Variants in DERA observed in about 807,000 individuals in gnomAD.
The protein encoded by DERA is 2-deoxy-D-ribose 5-phosphate aldolase.
Under a neutral mutation model 41.1 loss-of-function variants are expected in DERA, and 15 were observed. That is an observed-to-expected ratio of 0.37 (90% confidence interval 0.24 to 0.56). The LOEUF is 0.56. DERA is among the 20% of genes least tolerant of loss of function. The pLI is 0.81. For missense variants in DERA, 396 were observed against 403.4 expected (o/e 0.98, Z 0.16); for synonymous variants, 139 against 137.4 (o/e 1.01, Z -0.08).
Position 16,014,545 on chromosome 12 carries a change from G to A in DERA, c.638-17997G>A, listed in dbSNP as rs77436956. ...TTTGGAAACCACCACCTAGGTTTCAGAGGATGTATGGAATCGCCTGGATGT... is the reference window on the plus strand; with the variant it reads ...TTTGGAAACCACCACCTAGGTTTCAAAGGATGTATGGAATCGCCTGGATGT... On this transcript the variant is annotated intron_variant, in intron 6 of 8. Transcript: ENST00000428559. This position sits in a 1 kb window ranked among gnomAD's most constrained non-coding sequence, Gnocchi z 5.4. Among the ~76,000 whole-genome samples, 2,897 of 152,348 alleles carry A rather than the reference G, an allele frequency of 0.019. 86 individuals carry two copies. Among genetic ancestry groups the A allele is most frequent in the African/African-American group, 0.05 (2,095 of 41,572 alleles).
chr12:15,963,213 A>G (rs1027679181), intron 5 of DERA, among the ~76,000 whole-genome samples: 1 of 152,200 alleles, frequency 6.6e-6, no homozygotes, highest in African/African-American at 2.4e-5. Flanking sequence ...ATAACTTTTA[A>G]AACAATTTTA....
At position 15,983,012 on chromosome 12, in the gene DERA, A is replaced by C. The variant is rs1399234973; in HGVS notation, c.637+576A>C. 6.6e-6 allele frequency among the ~76,000 whole-genome samples: 1 copy of C among 152,138 alleles called. No homozygotes were observed. The highest frequency in any genetic ancestry group is 2.4e-5 in the African/African-American group (1 of 41,430). On this transcript the variant is annotated intron_variant, in intron 6 of 8. Coordinates refer to ENST00000428559, the MANE Select transcript of DERA (RefSeq NM_015954.4). This position sits in a 1 kb window ranked among gnomAD's most constrained non-coding sequence, Gnocchi z 6.2. ...TTCTTTTTCTCACCTCACATAAATC[A>C]GTGAAGAAGCCTTGAGAGTTCTCTC...
At position 16,017,690 on chromosome 12, in the gene DERA, T is replaced by G. The variant is rs114885693; in HGVS notation, c.638-14852T>G. On this transcript the variant is annotated intron_variant, in intron 6 of 8. Coordinates refer to ENST00000428559, the MANE Select transcript of DERA (RefSeq NM_015954.4). The surrounding 1 kb of genome is among the most constrained non-coding windows in gnomAD (Gnocchi z 5.5). ...ACTTTTAATTTGAGGGCTTATATCT[T>G]TGCATACCCTGCTTAATTTTTTTCC... Among the ~76,000 whole-genome samples the G allele has an allele frequency of 1.9e-3, 292 of 152,346 alleles. No homozygotes were observed. The highest frequency in any genetic ancestry group is 5.7e-3 in the African/African-American group (238 of 41,590).
chr12:16,036,618 T>G lies in DERA; in HGVS notation c.901-72T>G. 1 of 1,150,872 alleles carries G rather than the reference T, an allele frequency of 8.7e-7. No homozygotes were observed. The allele number at this position is 1,150,872 out of a possible 1,614,324, so 71.3% of individuals were successfully genotyped here. On this transcript the variant is annotated intron_variant, in intron 8 of 8. Transcript: ENST00000428559. This position sits in a 1 kb window ranked among gnomAD's most constrained non-coding sequence, Gnocchi z 4.9. ...TTCATTAAAACTATTTATTATTATT[T>G]GATAGTATAATTATTAACTGATGTG...
intron 6 of DERA, among the ~76,000 whole-genome samples, chr12:15,987,891 C>T (rs1008690638): frequency 4.6e-5 from 7 of 152,122 alleles, no homozygotes; most frequent in African/African-American, 9.7e-5. Context: ...GCAAGCCAGG[C>T]GCGGAGTGGC....
intron 5 of DERA, among the ~76,000 whole-genome samples, chr12:15,973,369 T>C (rs990218614): frequency 6.7e-6 from 1 of 150,296 alleles, no homozygotes; most frequent in Admixed American, 6.6e-5. Context: ...TTTTGCATTA[T>C]TCTGACTAAT....
At chr12:15,968,870 T>G (rs1272851107) in intron 5 of DERA, among the ~76,000 whole-genome samples, 1 of 152,178 alleles carries the variant, frequency 6.6e-6, no homozygotes, top group Admixed American at 6.5e-5. Flanking sequence ...ATGTGTTAAG[T>G]GAATAAAGTG....
In DERA at chr12:15,943,600, T is replaced by A. The variant is rs2136137545; in HGVS notation, c.32-13336T>A. 6.6e-6 allele frequency among the ~76,000 whole-genome samples: 1 copy of A among 152,318 alleles called. No individual in the cohort carries two copies. The highest frequency in any genetic ancestry group is 2.1e-4 in the South Asian group (1 of 4,832). ...TTGCCACACAGTACATGCCACACAGTACACACGGGTTTGAAACAGAACTTC... is the reference window on the plus strand; with the variant it reads ...TTGCCACACAGTACATGCCACACAGAACACACGGGTTTGAAACAGAACTTC... On this transcript the variant is annotated intron_variant, in intron 1 of 8. Coordinates refer to ENST00000428559, the MANE Select transcript of DERA (RefSeq NM_015954.4). This position sits in a 1 kb window ranked among gnomAD's most constrained non-coding sequence, Gnocchi z 4.5.
rs77638478 is a variant in DERA, at chr12:15,927,018, T to G, written c.31+15604T>G. ...CCTTTGTTGGAAAAGGCTGCTGGGG[T>G]CCTTCTGAATAGTCAAGTACATAAA... On this transcript the variant is annotated intron_variant, in intron 1 of 8. Transcript: ENST00000428559. Among the ~76,000 whole-genome samples, 1,459 of 152,314 alleles carry G rather than the reference T, an allele frequency of 9.6e-3. 30 individuals carry two copies. The highest frequency in any genetic ancestry group is 0.034 in the African/African-American group (1,404 of 41,566).
At chr12:15,916,221 G>C (rs898748475) in intron 1 of DERA, 1 of 152,142 alleles carries the variant, frequency 6.6e-6, no homozygotes, top group African/African-American at 2.4e-5. Context: ...TTCAAGGATG[G>C]CATGTCAAAA....
rs529003582 is a variant in DERA, at chr12:16,008,013, C to A, written c.638-24529C>A. Among the ~76,000 whole-genome samples the A allele has an allele frequency of 6.6e-6, 1 of 151,944 alleles. No individual in the cohort carries two copies. Reference sequence around the variant, plus strand: ...TTACAGGTGTGTGCCACTGTGTGCCCGGCTAATTTTTGTATTTTTAGTAGA... The same window carrying A: ...TTACAGGTGTGTGCCACTGTGTGCCAGGCTAATTTTTGTATTTTTAGTAGA... On this transcript the variant is annotated intron_variant, in intron 6 of 8. Transcript: ENST00000428559. The surrounding 1 kb of genome is among the most constrained non-coding windows in gnomAD (Gnocchi z 4.8).
At chr12:15,945,658 C>T (rs1207043636) in intron 1 of DERA, among the ~76,000 whole-genome samples, 3 of 152,306 alleles carry the variant, frequency 2.0e-5, no homozygotes, top group South Asian at 2.1e-4. Flanking sequence ...GATATACAAT[C>T]GTGTCATCTG....
At chr12:15,969,512 C>T (rs550654049) in intron 5 of DERA, among the ~76,000 whole-genome samples, 121 of 152,280 alleles carry the variant, frequency 7.9e-4, no homozygotes, top group African/African-American at 2.8e-3. Context: ...TTGGAAGTAC[C>T]ATTCGTCTCC....
At chr12:15,916,261 G>A (rs1047276249) in intron 1 of DERA, 1 of 152,142 alleles carries the variant, frequency 6.6e-6, no homozygotes, top group Admixed American at 6.6e-5. Flanking sequence ...GCTTCATGTG[G>A]ATATACTGAT....
chr12:15,916,543 C>T (rs767718718), intron 1 of DERA, among the ~76,000 whole-genome samples: 1 of 151,406 alleles, frequency 6.6e-6, no homozygotes, highest in Non-Finnish European at 1.5e-5. Context: ...CTCCGCCTCC[C>T]GGGTTCAAGT....
chr12:15,936,336 G>T lies in DERA; in HGVS notation c.32-20600G>T, dbSNP rs1431413047. On this transcript the variant is annotated intron_variant, in intron 1 of 8. Coordinates refer to ENST00000428559, the MANE Select transcript of DERA (RefSeq NM_015954.4). This position sits in a 1 kb window ranked among gnomAD's most constrained non-coding sequence, Gnocchi z 4.6. ...TCAAACATTCAGAAAAGTAGGACTA[G>T]TATAAAGAACACTCATATATCTGTC... 1.3e-5 allele frequency among the ~76,000 whole-genome samples: 2 copies of T among 152,182 alleles called. No homozygotes were observed. The highest frequency in any genetic ancestry group is 2.9e-5 in the Non-Finnish European group (2 of 68,036).
Position 15,984,165 on chromosome 12 carries a change from C to G in DERA, c.637+1729C>G, listed in dbSNP as rs1191256743. Among the ~76,000 whole-genome samples the G allele has an allele frequency of 6.6e-6, 1 of 152,194 alleles. No homozygotes were observed. The highest frequency in any genetic ancestry group is 2.4e-5 in the African/African-American group (1 of 41,448). On this transcript the variant is annotated intron_variant, in intron 6 of 8. Transcript: ENST00000428559. The surrounding 1 kb of genome is among the most constrained non-coding windows in gnomAD (Gnocchi z 4.5). ...GTGCACATGGAGCTGAGATACTCCT[C>G]AGGGTCACATCGGAGCCAATCTTGT...
Position 15,985,078 on chromosome 12 carries a change from C to T in DERA, c.637+2642C>T, listed in dbSNP as rs767204019. The T allele has an allele frequency of 2.0e-5, 3 of 152,230 alleles. No homozygotes were observed. Among genetic ancestry groups the T allele is most frequent in the Non-Finnish European group, 2.9e-5 (2 of 68,038 alleles). The allele number at this position is 152,230 out of a possible 1,614,324, so 9.4% of individuals were successfully genotyped here. Reference sequence around the variant, plus strand: ...AGTTTGCAAACACCTGTAACCACTACTCCCTTCAAGACACAGATCATTTCC... The same window carrying T: ...AGTTTGCAAACACCTGTAACCACTATTCCCTTCAAGACACAGATCATTTCC... On this transcript the variant is annotated intron_variant, in intron 6 of 8. Coordinates refer to ENST00000428559, the MANE Select transcript of DERA (RefSeq NM_015954.4). This position sits in a 1 kb window ranked among gnomAD's most constrained non-coding sequence, Gnocchi z 4.2.
chr12:16,028,995 G>A (rs893965291), intron 6 of DERA, among the ~76,000 whole-genome samples: 2 of 152,070 alleles, frequency 1.3e-5, no homozygotes, highest in Admixed American at 1.3e-4. Flanking sequence ...TATCAGCATT[G>A]GTTCCTTAAT....
Sources: allele counts gnomAD v4.1 joint callset (sites outside exome capture counted in the v4.1 genomes callset), GRCh38; gene constraint gnomAD v4.1.1; non-coding constraint Gnocchi (gnomAD v3.1); transcripts MANE v1.5; gene names NCBI Gene and HGNC (gene_info 2026-07-23, HGNC 2026-07-21).